CDK13: variants seen among roughly 807,000 people sequenced by gnomAD.
CDK13 encodes cyclin-dependent kinase 13.
CDK13 carries 40 observed loss-of-function variants against 137.6 expected under a neutral mutation model. That is an observed-to-expected ratio of 0.29 (90% CI 0.23 to 0.38). The LOEUF is 0.38. Ranked by LOEUF, CDK13 falls within the 10% of genes least tolerant of loss-of-function variation. The pLI, the probability that CDK13 is intolerant of heterozygous loss-of-function variation, is 1.00. For synonymous variants in CDK13, 869 were observed against 760.1 expected, an observed-to-expected ratio of 1.14 and a Z score of -2.36; for missense variants, 1,704 against 1,951.8, an observed-to-expected ratio of 0.87 and a Z score of 2.39.
rs554624441 is a variant in CDK13 at position 40,051,220 on chromosome 7, A to AT, written c.2600+3344dup. Among the ~76,000 whole-genome samples the AT allele has an allele frequency of 1.1e-4, 16 of 152,108 alleles. No individual in the cohort carries two copies. The South Asian group carries it at 3.1e-3, about 30-fold the overall frequency. ...GTCTGTCATTTTGTTTTAAGAGCAA[A>AT]TATCCTATCATTATGGGGTTTATAT... On this transcript the variant is annotated intron_variant, in intron 7 of 13. Transcript: ENST00000181839.
At chr7:39,979,195 ATTT>A (rs1247385672) in intron 1 of CDK13, among the ~76,000 whole-genome samples, 1 of 147,148 alleles carries the variant, frequency 6.8e-6, no homozygotes, top group East Asian at 2.0e-4. Flanking sequence ...AGTAACGTAG[ATTT>A]TTTTCTTTCT....
At chr7:40,012,279 T>C (rs1045747911) in intron 5 of CDK13, among the ~76,000 whole-genome samples, 23 of 152,220 alleles carry the variant, frequency 1.5e-4, no homozygotes, top group African/African-American at 5.5e-4. Context: ...AATAGAATTC[T>C]AGAAATTCTA....
intron 5 of CDK13, among the ~76,000 whole-genome samples, chr7:40,024,838 A>G (rs893091191): frequency 6.6e-6 from 1 of 151,364 alleles, no homozygotes; most frequent in African/African-American, 2.4e-5. Flanking sequence ...TAATTTTTGT[A>G]TTTTTAGTAA....
intron 5 of CDK13, among the ~76,000 whole-genome samples, chr7:40,017,954 T>G (rs560056283): frequency 2.6e-5 from 4 of 151,974 alleles, no homozygotes; most frequent in Admixed American, 6.6e-5. Context: ...CCACATGTTC[T>G]GAGGATTCCT....
At chr7:40,093,922 A>T (rs1283334329) in intron 13 of CDK13, among the ~76,000 whole-genome samples, 1 of 139,296 alleles carries the variant, frequency 7.2e-6, no homozygotes, top group African/African-American at 2.8e-5. Context: ...AAAAAAAAAA[A>T]ATTTTTTTTT....
At chr7:40,057,309 T>A (rs1467949124) in intron 7 of CDK13, among the ~76,000 whole-genome samples, 1 of 152,212 alleles carries the variant, frequency 6.6e-6, no homozygotes, top group Non-Finnish European at 1.5e-5. Flanking sequence ...CAATTAAGAT[T>A]ATTTAACCAT....
intron 5 of CDK13, among the ~76,000 whole-genome samples, chr7:40,033,284 A>G (rs1785417275): frequency 1.0e-5 from 1 of 96,442 alleles, no homozygotes; most frequent in Non-Finnish European, 1.7e-5. Context: ...TCTTTCTTAG[A>G]GTTTCCATTT....
chr7:40,031,828 G>GTTGTTATTATTATTA (rs1279341093), intron 5 of CDK13, among the ~76,000 whole-genome samples: 1 of 139,108 alleles, frequency 7.2e-6, no homozygotes, highest in African/African-American at 2.6e-5. Flanking sequence ...TATTATTATT[G>GTTGTTATTATTATTA]TTATTATTAT....
Position 39,950,339 on chromosome 7 carries a change from C to T in CDK13, c.-303C>T. 1 of 1,161,326 alleles carries T rather than the reference C, an allele frequency of 8.6e-7. No individual in the cohort carries two copies. Among genetic ancestry groups the T allele is most frequent in the Non-Finnish European group, 1.1e-6 (1 of 943,258 alleles). The allele number at this position is 1,161,326 out of a possible 1,614,324, so 71.9% of individuals were successfully genotyped here. A position where few individuals can be genotyped will look rare whatever the true frequency, so the allele number is the denominator to read the frequency against. ...GGGGCACTTGGAGGACTCGGGACTCCCCCGCAGGTCAGCGCCCGGCGCATC... is the reference window on the plus strand; with the variant it reads ...GGGGCACTTGGAGGACTCGGGACTCTCCCGCAGGTCAGCGCCCGGCGCATC... On this transcript the variant is annotated 5_prime_UTR_variant, in exon 1 of 14. Coordinates refer to ENST00000181839, the MANE Select transcript of CDK13 (RefSeq NM_003718.5).
chr7:40,013,368 A>C (rs1035346275), intron 5 of CDK13, among the ~76,000 whole-genome samples: 2 of 152,182 alleles, frequency 1.3e-5, no homozygotes, highest in African/African-American at 4.8e-5. Context: ...TGCTAATGCC[A>C]CTGAACTGTA....
intron 7 of CDK13, chr7:40,062,016 G>A (rs905153370): frequency 2.0e-5 from 3 of 152,174 alleles, no homozygotes; most frequent in African/African-American, 7.2e-5. Flanking sequence ...CTCTGCATTT[G>A]TGTGCTTTTT....
chr7:40,091,287 G>A (rs1412151958), intron 12 of CDK13, among the ~76,000 whole-genome samples: 1 of 152,142 alleles, frequency 6.6e-6, no homozygotes, highest in Non-Finnish European at 1.5e-5. Flanking sequence ...GGCGGAGCTT[G>A]CAGTGAGCCG....
intron 11 of CDK13, among the ~76,000 whole-genome samples, chr7:40,081,989 AT>A (rs897335592): frequency 2.0e-5 from 3 of 152,110 alleles, no homozygotes; most frequent in African/African-American, 7.2e-5. Flanking sequence ...GAGGGCTGAG[AT>A]TTTTTTCCCA....
At chr7:40,075,706 G>A (rs1195115086) in intron 9 of CDK13, among the ~76,000 whole-genome samples, 1 of 152,124 alleles carries the variant, frequency 6.6e-6, no homozygotes, top group Admixed American at 6.5e-5. Context: ...CATAGGCAAA[G>A]TACCTTAGAA....
At chr7:39,952,835 T>G (rs952036579) in intron 1 of CDK13, 1 of 146,138 alleles carries the variant, frequency 6.8e-6, no homozygotes, top group Admixed American at 7.0e-5. Context: ...TTGCCTTTTT[T>G]GTTATATAAT....
chr7:40,067,536 T>C (rs992202766), intron 9 of CDK13: 10 of 146,616 alleles, frequency 6.8e-5, no homozygotes, highest in African/African-American at 2.2e-4. Flanking sequence ...AGAGTGAGAA[T>C]TGGTCTCAAA....
At position 40,047,883 on chromosome 7, in the gene CDK13, C is replaced by A. The variant is rs574109821; in HGVS notation, c.2600+6C>A. On this transcript the variant is annotated splice_donor_region_variant and intron_variant, in intron 7 of 13. Transcript: ENST00000181839. Reference sequence around the variant, plus strand: ...TTGTATAGCTCAGAAGAAAGGTAAGCATACCTTCAAATGAATATTGTAGAT... The same window carrying A: ...TTGTATAGCTCAGAAGAAAGGTAAGAATACCTTCAAATGAATATTGTAGAT... 1 of 1,586,176 alleles carries A rather than the reference C, an allele frequency of 6.3e-7. No homozygotes were observed.
rs146752154 is a variant in CDK13, at chr7:39,991,634, A to G, written c.1871+3376A>G. 2.0e-5 allele frequency among the ~76,000 whole-genome samples: 3 copies of G among 152,236 alleles called. No individual in the cohort carries two copies. In the East Asian group the frequency reaches 5.8e-4, roughly 29 times the overall value. On this transcript the variant is annotated intron_variant, in intron 2 of 13. Transcript: ENST00000181839. The stretch of plus-strand genomic sequence containing the variant: ...CTCATAAATTCTTTATTTTTAAAAT[A>G]TTCAAGCACTTAGAAAAATTGAAAT...
At position 40,047,985 on chromosome 7, in the gene CDK13, T is replaced by G. The variant is rs1785787889; in HGVS notation, c.2600+108T>G. ...ATTTTTTAAAAGAGAAGTTTACTTT[T>G]CATGGTTAGTACATAAAACATTGAA... is the stretch of plus-strand genomic sequence containing the variant. On this transcript the variant is annotated intron_variant, in intron 7 of 13. Transcript: ENST00000181839. 3 of 706,926 alleles carry G rather than the reference T, an allele frequency of 4.2e-6. No homozygotes were observed. The South Asian group carries it at 5.7e-5, about 13-fold the overall frequency. The allele number at this position is 706,926 out of a possible 1,614,324, so 43.8% of individuals were successfully genotyped here. A position where few individuals can be genotyped will look rare whatever the true frequency, so the allele number is the denominator to read the frequency against.
Sources: allele counts gnomAD v4.1 joint callset (sites outside exome capture counted in the v4.1 genomes callset), GRCh38; gene constraint gnomAD v4.1.1; transcripts MANE v1.5; gene names NCBI Gene and HGNC (gene_info 2026-07-23, HGNC 2026-07-21).